DIS3L2: variants seen among roughly 807,000 people sequenced by gnomAD.
The protein encoded by DIS3L2 is DIS3-like exonuclease 2.
Under a neutral mutation model 97.5 loss-of-function variants are expected in DIS3L2, and 34 were observed. That is an observed-to-expected ratio of 0.35 (90% confidence interval 0.27 to 0.46). The LOEUF is 0.46. DIS3L2 is among the 20% of genes least tolerant of loss of function. The probability of loss-of-function intolerance (pLI) is 1.00; values close to 1 mark genes in which losing one functional copy is unlikely to be tolerated. For synonymous variants in DIS3L2, 435 were observed against 445.2 expected (o/e 0.98, Z 0.29); for missense variants, 1,038 against 1,146.0 (o/e 0.91, Z 1.36).
chr2:232,340,260 A>C (rs1225649703), downstream of DIS3L2, among the ~76,000 whole-genome samples: 1 of 152,120 alleles, frequency 6.6e-6, no homozygotes. Flanking sequence ...TGACCTGAGA[A>C]AGGCGACTCC....
At chr2:232,126,605 C>T (rs1180942013) in intron 6 of DIS3L2, among the ~76,000 whole-genome samples, 1 of 152,254 alleles carries the variant, frequency 6.6e-6, no homozygotes, top group Non-Finnish European at 1.5e-5. Flanking sequence ...ACTAACAACA[C>T]ACTTTCCCCA....
intron 8 of DIS3L2, among the ~76,000 whole-genome samples, chr2:232,144,464 T>G (rs1050951402): frequency 2.6e-5 from 4 of 152,154 alleles, no homozygotes; most frequent in African/African-American, 9.7e-5. Flanking sequence ...TGTTTTCATG[T>G]TTTTACCCAT....
chr2:232,310,057 T>C (rs1247447202), intron 14 of DIS3L2, among the ~76,000 whole-genome samples: 2 of 152,216 alleles, frequency 1.3e-5, no homozygotes, highest in African/African-American at 4.8e-5. Flanking sequence ...AATGACACTT[T>C]CTGTCTGCAC....
At chr2:232,105,647 C>A (rs1172988782) in intron 6 of DIS3L2, among the ~76,000 whole-genome samples, 2 of 152,166 alleles carry the variant, frequency 1.3e-5, no homozygotes, top group African/African-American at 2.4e-5. Flanking sequence ...ATATACTCTG[C>A]CCCACTCTGC....
intron 12 of DIS3L2, among the ~76,000 whole-genome samples, chr2:232,261,193 G>T (rs535017037): frequency 6.6e-6 from 1 of 152,032 alleles, no homozygotes; most frequent in African/African-American, 2.4e-5. Context: ...TTCCCTTCAG[G>T]GTCTCCTGCC....
intron 13 of DIS3L2, among the ~76,000 whole-genome samples, chr2:232,291,141 A>G (rs1053305815): frequency 5.3e-5 from 8 of 152,252 alleles, no homozygotes; most frequent in African/African-American, 1.9e-4. Flanking sequence ...TAGGAGAAAG[A>G]AATTTAATAC....
rs142343468 is a variant in DIS3L2, at chr2:231,973,066, G to A, written c.-94+11301G>A. Reference sequence around the variant, plus strand: ...GAATTGGAAAATGTTCCTTTTCTTCGGTTTTCTGGAACAGTTTGCATAGAA... The same window carrying A: ...GAATTGGAAAATGTTCCTTTTCTTCAGTTTTCTGGAACAGTTTGCATAGAA... On this transcript the variant is annotated intron_variant, in intron 1 of 20. Transcript: ENST00000325385. Among the ~76,000 whole-genome samples, 333 of 152,126 alleles carry A rather than the reference G, an allele frequency of 2.2e-3. 7 individuals are homozygous for A. Among genetic ancestry groups the A allele is most frequent in the Non-Finnish European group, 3.5e-4 (24 of 67,996 alleles).
intron 13 of DIS3L2, chr2:232,343,017 G>C: frequency 4.5e-6 from 1 of 221,696 alleles, no homozygotes; most frequent in Non-Finnish European, 8.9e-6. Flanking sequence ...GGCTGAGGCA[G>C]GTTAAAGATT....
At position 232,292,111 on chromosome 2, in the gene DIS3L2, T is replaced by C. The variant is rs1694615650; in HGVS notation, c.1660-7929T>C. On this transcript the variant is annotated intron_variant, in intron 13 of 20. Transcript: ENST00000325385. This position sits in a 1 kb window ranked among gnomAD's most constrained non-coding sequence, Gnocchi z 4.4. ...ATGCTTGCCTAGCCACACTTTCCTG[T>C]CTTGTCTCGTCACGCTTCTGGTTAT... 6.6e-6 allele frequency among the ~76,000 whole-genome samples: 1 copy of C among 152,194 alleles called. No homozygotes were observed. The highest frequency in any genetic ancestry group is 2.1e-4 in the South Asian group (1 of 4,828).
chr2:232,145,641 A>C (rs1267397638), intron 8 of DIS3L2, among the ~76,000 whole-genome samples: 1 of 152,154 alleles, frequency 6.6e-6, no homozygotes, highest in African/African-American at 2.4e-5. Context: ...TGTGTTAATA[A>C]GTTTGCTAAT....
intron 6 of DIS3L2, 117 bp downstream of exon 6, chr2:232,087,838 C>T (rs1696711666): frequency 8.7e-6 from 7 of 806,054 alleles, no homozygotes; most frequent in Non-Finnish European, 1.4e-5. Flanking sequence ...AATTTTTGAC[C>T]TGTGGCAGCT....
At chr2:232,341,687 T>C (rs2106362017), downstream of DIS3L2, among the ~76,000 whole-genome samples, 1 of 152,302 alleles carries the variant, frequency 6.6e-6, no homozygotes, top group East Asian at 1.9e-4. Context: ...GGCTTGAAGA[T>C]GACTGTAAAC....
intron 14 of DIS3L2, among the ~76,000 whole-genome samples, chr2:232,303,147 G>A (rs1489558497): frequency 2.0e-5 from 3 of 152,122 alleles, no homozygotes; most frequent in Non-Finnish European, 4.4e-5. Context: ...GAAGAGGCTG[G>A]TGTGCCTGCC....
intron 5 of DIS3L2, among the ~76,000 whole-genome samples, chr2:232,060,416 G>A (rs748195574): frequency 3.3e-5 from 5 of 152,050 alleles, no homozygotes; most frequent in South Asian, 2.1e-4. Context: ...TTTGTATATG[G>A]CAAAAGATTG....
At chr2:231,988,003 C>A (rs542610707) in intron 1 of DIS3L2, among the ~76,000 whole-genome samples, 1 of 152,106 alleles carries the variant, frequency 6.6e-6, no homozygotes, top group Non-Finnish European at 1.5e-5. Context: ...GCCACCACGC[C>A]CAGCTAGTTT....
chr2:231,993,633 G>A (rs1693643430), intron 1 of DIS3L2, among the ~76,000 whole-genome samples: 1 of 152,144 alleles, frequency 6.6e-6, no homozygotes. Flanking sequence ...ATCCTAAAAT[G>A]ATATATTGTA....
chr2:232,270,878 C>CTCTT (rs750090938), intron 13 of DIS3L2, among the ~76,000 whole-genome samples: 4,599 of 133,992 alleles, frequency 0.034, 140 homozygotes, highest in Non-Finnish European at 0.048. Flanking sequence ...CTCTCTCTCT[C>CTCTT]TCTCTCTCTC....
chr2:232,016,013 A>G (rs1219175056), intron 3 of DIS3L2: 1 of 177,256 alleles, frequency 5.6e-6, no homozygotes, highest in Non-Finnish European at 1.2e-5. Flanking sequence ...AGTGAAGATA[A>G]GAGAGAGCTT....
At chr2:231,965,789 G>A (rs916780801) in intron 1 of DIS3L2, among the ~76,000 whole-genome samples, 2 of 152,172 alleles carry the variant, frequency 1.3e-5, no homozygotes, top group South Asian at 2.1e-4. Context: ...TTTAACTGAT[G>A]TCTACAAGAT....
Sources: gnomAD v4.1 joint callset for allele counts (sites outside exome capture counted in the v4.1 genomes callset) on GRCh38, gnomAD v4.1.1 for gene constraint, Gnocchi (gnomAD v3.1) non-coding constraint, MANE v1.5 for transcripts, NCBI Gene and HGNC (gene_info 2026-07-23, HGNC 2026-07-21) for gene names.